The following RIMS2 variants were observed in gnomAD, a reference collection of about 807,000 sequenced individuals.
RIMS2 encodes the protein regulating synaptic membrane exocytosis protein 2.
In RIMS2, 59 loss-of-function variants were observed where a neutral mutation model predicts 174.4. That is an observed-to-expected ratio of 0.34 (90% CI 0.27 to 0.42). RIMS2 has a LOEUF of 0.42. Ranked by LOEUF, RIMS2 falls within the 10% of genes least tolerant of loss-of-function variation. The pLI, the probability that RIMS2 is intolerant of heterozygous loss-of-function variation, is 1.00. For missense variants in RIMS2, 1,620 were observed against 1,666.3 expected (o/e 0.97, Z 0.48); for synonymous variants, 606 against 572.5 (o/e 1.06, Z -0.84).
chr8:103,851,850 A>T (rs1367219598), intron 3 of RIMS2, among the ~76,000 whole-genome samples: 1 of 152,060 alleles, frequency 6.6e-6, no homozygotes, highest in African/African-American at 2.4e-5. Flanking sequence ...GACATGTAGA[A>T]TATGAAAATG....
intron 1 of RIMS2, among the ~76,000 whole-genome samples, chr8:103,525,144 A>T (rs2130667843): frequency 6.6e-6 from 1 of 152,338 alleles, no homozygotes; most frequent in South Asian, 2.1e-4. Flanking sequence ...AGAAAGAAGC[A>T]TTTTTGCAAA....
At chr8:103,629,377 G>A (rs1389513569) in intron 1 of RIMS2, among the ~76,000 whole-genome samples, 1 of 152,176 alleles carries the variant, frequency 6.6e-6, no homozygotes, top group Non-Finnish European at 1.5e-5. Context: ...ACTCAGCAGT[G>A]GTATAGAATA....
intron 2 of RIMS2, among the ~76,000 whole-genome samples, chr8:103,758,415 A>AAAGTTAC (rs2098058340): frequency 6.6e-6 from 1 of 152,166 alleles, no homozygotes; most frequent in South Asian, 2.1e-4. Context: ...GTTCAGTGTC[A>AAAGTTAC]AAGTTACAAG....
At chr8:103,559,880 C>T (rs966996212) in intron 1 of RIMS2, among the ~76,000 whole-genome samples, 1 of 152,176 alleles carries the variant, frequency 6.6e-6, no homozygotes, top group African/African-American at 2.4e-5. Flanking sequence ...TGTTTCAATT[C>T]TGTAAGCTCC....
chr8:103,807,414 G>C (rs2098657452), intron 3 of RIMS2, among the ~76,000 whole-genome samples: 1 of 152,102 alleles, frequency 6.6e-6, no homozygotes, highest in Non-Finnish European at 1.5e-5. Flanking sequence ...ATTAGTGCTA[G>C]AAAATTGATT....
chr8:104,178,355 C>T (rs1274640936), intron 19 of RIMS2, among the ~76,000 whole-genome samples: 1 of 152,126 alleles, frequency 6.6e-6, no homozygotes, highest in Non-Finnish European at 1.5e-5. Flanking sequence ...CATTACTTGG[C>T]TCATGGGACC....
chr8:103,907,586 C>A (rs1054523666), intron 4 of RIMS2, among the ~76,000 whole-genome samples: 4 of 151,796 alleles, frequency 2.6e-5, no homozygotes, highest in Non-Finnish European at 4.4e-5. Context: ...TCAAATCAAA[C>A]CCTAAATGTT....
chr8:103,885,497 A>G (rs1364535482), exon 4 of RIMS2: 1 of 1,612,758 alleles, frequency 6.2e-7, no homozygotes, highest in Admixed American at 1.7e-5. Context: ...CAACAGGAGA[A>G]GTCATAGGCA....
chr8:103,984,056 C>A (rs1372931408), intron 16 of RIMS2, among the ~76,000 whole-genome samples: 3 of 152,134 alleles, frequency 2.0e-5, no homozygotes, highest in Admixed American at 6.6e-5. Context: ...CACCTGTAGT[C>A]CCAGCTACTC....
intron 1 of RIMS2, among the ~76,000 whole-genome samples, chr8:103,626,696 TAAAG>T (rs2095795166): frequency 6.6e-6 from 1 of 151,924 alleles, no homozygotes; most frequent in South Asian, 2.1e-4. Context: ...GTCTGAGAAA[TAAAG>T]AGAAAGAGTA....
At chr8:103,707,693 G>A (rs2097250761) in intron 2 of RIMS2, among the ~76,000 whole-genome samples, 1 of 152,186 alleles carries the variant, frequency 6.6e-6, no homozygotes, top group African/African-American at 2.4e-5. Flanking sequence ...GCACCATGCT[G>A]GGTTATATTC....
chr8:103,710,205 G>A (rs920651435), intron 2 of RIMS2, among the ~76,000 whole-genome samples: 1 of 151,986 alleles, frequency 6.6e-6, no homozygotes, highest in African/African-American at 2.4e-5. Flanking sequence ...ATAGAATAAT[G>A]AGAACACAAA....
chr8:103,792,008 T>A (rs2098503703), intron 3 of RIMS2, among the ~76,000 whole-genome samples: 1 of 152,046 alleles, frequency 6.6e-6, no homozygotes. Flanking sequence ...AAGAGACAGA[T>A]CAACGAGACA....
At chr8:103,918,150 A>G (rs1194748814) in intron 8 of RIMS2, among the ~76,000 whole-genome samples, 1 of 152,202 alleles carries the variant, frequency 6.6e-6, no homozygotes, top group Non-Finnish European at 1.5e-5. Context: ...CAAATTTTTT[A>G]TAATGGGTAA....
At chr8:104,233,874 CCCTACTCACTT>C (rs371564179) in intron 19 of RIMS2, among the ~76,000 whole-genome samples, 17 of 152,282 alleles carry the variant, frequency 1.1e-4, no homozygotes, top group African/African-American at 3.6e-4. Context: ...AGCCTCTGTG[CCCTACTCACTT>C]CCTTTGCTTT....
At chr8:103,550,657 T>C (rs1847353953) in intron 1 of RIMS2, among the ~76,000 whole-genome samples, 1 of 151,932 alleles carries the variant, frequency 6.6e-6, no homozygotes, top group Admixed American at 6.6e-5. Context: ...AAAAAATCAA[T>C]GTATCTAGGA....
rs754298027 is a variant in RIMS2 at position 104,244,901 on chromosome 8, T to A, written c.3335-15T>A. ...GATTACAAAGCTGTTACACTTTTTGTTTCTATCTCTGCAGAAGCAGGAGGT... is the reference window on the plus strand; with the variant it reads ...GATTACAAAGCTGTTACACTTTTTGATTCTATCTCTGCAGAAGCAGGAGGT... On this transcript the variant is annotated splice_polypyrimidine_tract_variant and intron_variant, in intron 19 of 23. Coordinates refer to ENST00000504942, the Ensembl canonical transcript of RIMS2. The A allele has an allele frequency of 3.0e-5, 49 of 1,610,566 alleles. No individual in the cohort carries two copies. Among genetic ancestry groups the A allele is most frequent in the Non-Finnish European group, 4.1e-5 (48 of 1,177,344 alleles).
chr8:103,530,004 A>G (rs1004883127), intron 1 of RIMS2, among the ~76,000 whole-genome samples: 8 of 152,250 alleles, frequency 5.3e-5, no homozygotes, highest in Non-Finnish European at 8.8e-5. Flanking sequence ...CTAGAAGTGG[A>G]GAAAGGAATG....
intron 1 of RIMS2, among the ~76,000 whole-genome samples, chr8:103,587,469 A>AAAGAAAGAAAGAACG (rs59840606): frequency 1.7e-5 from 1 of 59,950 alleles, no homozygotes; most frequent in African/African-American, 6.8e-5. Flanking sequence ...AGAAAGAAAG[A>AAAGAAAGAAAGAACG]AACTATGCAC....
Sources: gnomAD v4.1 joint callset for allele counts (sites outside exome capture counted in the v4.1 genomes callset) on GRCh38, gnomAD v4.1.1 for gene constraint, MANE v1.5 for transcripts, NCBI Gene and HGNC (gene_info 2026-07-23, HGNC 2026-07-21) for gene names.